FRMD3: variants seen among roughly 807,000 people sequenced by gnomAD.
The protein encoded by FRMD3 is FERM domain-containing protein 3.
FRMD3 carries 33 observed loss-of-function variants against 70.2 expected under a neutral mutation model. The observed-to-expected ratio is 0.47, with a 90% CI of 0.36 to 0.63. The LOEUF is 0.63. Among genes scored for constraint, FRMD3 ranks in the 20% least tolerant of loss-of-function variants. FRMD3 has a pLI of 0.00. For missense variants in FRMD3, 632 were observed against 711.4 expected (o/e 0.89, Z 1.27); for synonymous variants, 279 against 255.9 (o/e 1.09, Z -0.86).
rs573955786 is a variant in FRMD3 at position 83,520,115 on chromosome 9, A to C, written c.147+17970T>G. ...TATGTAACAAACCTGCACGTTCTGC[A>C]CATGTATCCCAGAACTTAAAGTATA... On this transcript the variant is annotated intron_variant, in intron 1 of 13. Transcript: ENST00000304195. 2.6e-5 allele frequency among the ~76,000 whole-genome samples: 4 copies of C among 152,298 alleles called. No individual in the cohort carries two copies. In the South Asian group the frequency reaches 8.3e-4, roughly 32 times the overall value.
intron 1 of FRMD3, among the ~76,000 whole-genome samples, chr9:83,421,914 C>A (rs2131360440): frequency 6.6e-6 from 1 of 152,244 alleles, no homozygotes; most frequent in African/African-American, 2.4e-5. Flanking sequence ...ACTGAACATA[C>A]ACACAAAACT....
At chr9:83,484,931 CAT>C (rs748620964) in intron 1 of FRMD3, among the ~76,000 whole-genome samples, 13 of 152,168 alleles carry the variant, frequency 8.5e-5, no homozygotes, top group Non-Finnish European at 1.9e-4. Flanking sequence ...AAAAGGAAAA[CAT>C]AATAGAAAGT....
intron 1 of FRMD3, among the ~76,000 whole-genome samples, chr9:83,485,531 T>C (rs528019287): frequency 1.3e-5 from 2 of 152,364 alleles, no homozygotes; most frequent in South Asian, 4.1e-4. Flanking sequence ...ACACATCATG[T>C]CTCACATCTA....
rs186636605 is a variant in FRMD3, at chr9:83,457,333, T to C, written c.148-67625A>G. ...GCTGTATAGCATTCCTGGACTTAAC[T>C]GGTGAAAAAGATGAAGAAAGGAAGA... On this transcript the variant is annotated intron_variant, in intron 1 of 13. Coordinates refer to ENST00000304195, the MANE Select transcript of FRMD3 (RefSeq NM_174938.6). Among the ~76,000 whole-genome samples the C allele has an allele frequency of 2.0e-3, 308 of 152,242 alleles. 3 individuals are homozygous for C. Among genetic ancestry groups the C allele is most frequent in the African/African-American group, 7.3e-3 (304 of 41,534 alleles).
At chr9:83,318,744 G>T (rs1435922204) in intron 6 of FRMD3, among the ~76,000 whole-genome samples, 1 of 152,088 alleles carries the variant, frequency 6.6e-6, no homozygotes, top group Non-Finnish European at 1.5e-5. Context: ...CCAAAAAGTT[G>T]TTTTAATTTA....
intron 2 of FRMD3, among the ~76,000 whole-genome samples, chr9:83,377,524 G>C (rs755668896): frequency 6.6e-6 from 1 of 152,184 alleles, no homozygotes; most frequent in Non-Finnish European, 1.5e-5. Context: ...CACAGGAGCA[G>C]ATTTCTCATT....
At chr9:83,311,604 C>T (rs895933380) in intron 8 of FRMD3, among the ~76,000 whole-genome samples, 4 of 152,014 alleles carry the variant, frequency 2.6e-5, no homozygotes, top group African/African-American at 9.7e-5. Flanking sequence ...TCCGTGTGCC[C>T]CCCTTGGCCA....
At chr9:83,401,648 A>T (rs1003677439) in intron 1 of FRMD3, among the ~76,000 whole-genome samples, 1 of 152,202 alleles carries the variant, frequency 6.6e-6, no homozygotes, top group Non-Finnish European at 1.5e-5. Context: ...TCTCTTTGAG[A>T]TGTGAAGGGA....
At chr9:83,361,609 T>C (rs1313516874) in intron 3 of FRMD3, among the ~76,000 whole-genome samples, 2 of 152,174 alleles carry the variant, frequency 1.3e-5, no homozygotes, top group African/African-American at 2.4e-5. Context: ...CTGAGAGTAC[T>C]GGAGATCTAA....
At chr9:83,566,096 A>C in the FRMD3 span, among the ~76,000 whole-genome samples, 5 of 152,228 alleles carry the variant, frequency 3.3e-5, no homozygotes, top group Non-Finnish European at 1.5e-5. Flanking sequence ...GACATACCCG[A>C]GACTGAGAAG....
At chr9:83,298,246 A>G (rs1391924030) in intron 12 of FRMD3, among the ~76,000 whole-genome samples, 1 of 152,210 alleles carries the variant, frequency 6.6e-6, no homozygotes, top group African/African-American at 2.4e-5. Flanking sequence ...AGAATATTTA[A>G]TTCTTAAGAA....
intron 1 of FRMD3, among the ~76,000 whole-genome samples, chr9:83,452,450 C>T (rs1435322508): frequency 6.8e-6 from 1 of 147,386 alleles, no homozygotes; most frequent in African/African-American, 2.5e-5. Context: ...TTACTCATCC[C>T]CGTATGAACT....
At chr9:83,275,205 G>A (rs559927670) in intron 13 of FRMD3, among the ~76,000 whole-genome samples, 2 of 152,288 alleles carry the variant, frequency 1.3e-5, no homozygotes, top group East Asian at 1.9e-4. Flanking sequence ...TCAGGATCAC[G>A]GAGAGGAGGT....
the FRMD3 span, among the ~76,000 whole-genome samples, chr9:83,578,054 C>T: frequency 6.6e-6 from 1 of 151,632 alleles, no homozygotes; most frequent in African/African-American, 2.4e-5. Context: ...CACTCATATG[C>T]TAACAAATTG....
chr9:83,283,144 A>G (rs1285829240), intron 13 of FRMD3, among the ~76,000 whole-genome samples: 1 of 152,252 alleles, frequency 6.6e-6, no homozygotes, highest in Admixed American at 6.5e-5. Context: ...GAATCTGCAG[A>G]GCATGCTCAG....
At chr9:83,256,618 G>A (rs1832720279) in intron 13 of FRMD3, among the ~76,000 whole-genome samples, 1 of 151,982 alleles carries the variant, frequency 6.6e-6, no homozygotes, top group Non-Finnish European at 1.5e-5. Context: ...CTATCCATCT[G>A]ACAAAGGTCT....
intron 1 of FRMD3, among the ~76,000 whole-genome samples, chr9:83,425,514 C>A (rs982705626): frequency 1.3e-5 from 2 of 152,128 alleles, no homozygotes; most frequent in Non-Finnish European, 2.9e-5. Context: ...CCAGCAGGCA[C>A]CTTATTCAGA....
chr9:83,403,235 C>T (rs958731870), intron 1 of FRMD3, among the ~76,000 whole-genome samples: 6 of 152,012 alleles, frequency 3.9e-5, no homozygotes, highest in African/African-American at 1.4e-4. Flanking sequence ...TCCAAATTCC[C>T]TCCCCCAGGC....
rs150855226 is a variant in FRMD3, at chr9:83,520,673, C to T, written c.147+17412G>A. Among the ~76,000 whole-genome samples, 195 of 152,324 alleles carry T rather than the reference C, an allele frequency of 1.3e-3. 1 individual carries two copies. Among genetic ancestry groups the T allele is most frequent in the African/African-American group, 4.4e-3 (185 of 41,578 alleles). Reference sequence around the variant, plus strand: ...GCACAGATACAGAACAGTGTTACCACTGCAAAAGTTCTACCAGACAGCACT... The same window carrying T: ...GCACAGATACAGAACAGTGTTACCATTGCAAAAGTTCTACCAGACAGCACT... On this transcript the variant is annotated intron_variant, in intron 1 of 13. Transcript: ENST00000304195.
Sources: gnomAD v4.1 joint callset for allele counts (sites outside exome capture counted in the v4.1 genomes callset) on GRCh38, gnomAD v4.1.1 for gene constraint, MANE v1.5 for transcripts, NCBI Gene and HGNC (gene_info 2026-07-23, HGNC 2026-07-21) for gene names.